The following RIMS2 variants were observed in gnomAD, a reference collection of about 807,000 sequenced individuals.
RIMS2 encodes regulating synaptic membrane exocytosis 2.
In RIMS2, 59 loss-of-function variants were observed where a neutral mutation model predicts 174.4. The ratio of observed to expected loss-of-function variants is 0.34; its 90% confidence interval spans 0.27 to 0.42. The LOEUF (loss-of-function observed/expected upper bound fraction) is 0.42. RIMS2 is among the 10% of genes least tolerant of loss of function. The pLI is 1.00. For missense variants in RIMS2, 1,620 were observed against 1,666.3 expected (o/e 0.97, Z 0.48); for synonymous variants, 606 against 572.5 (o/e 1.06, Z -0.84).
At chr8:103,973,674 G>T (rs1284661287) in intron 15 of RIMS2, among the ~76,000 whole-genome samples, 1 of 152,148 alleles carries the variant, frequency 6.6e-6, no homozygotes, top group Non-Finnish European at 1.5e-5. Context: ...TGTGACCAAA[G>T]AGCCAAGAGG....
chr8:104,118,229 C>T (rs562014808), intron 19 of RIMS2, among the ~76,000 whole-genome samples: 52 of 151,994 alleles, frequency 3.4e-4, no homozygotes, highest in African/African-American at 1.2e-3. Context: ...ATTCTTATTA[C>T]ATAAAGGAAG....
chr8:103,534,824 G>A (rs1839041746), intron 1 of RIMS2, among the ~76,000 whole-genome samples: 2 of 152,032 alleles, frequency 1.3e-5, no homozygotes, highest in South Asian at 4.1e-4. Flanking sequence ...TGTTCTGTTA[G>A]CACTACACAT....
intron 1 of RIMS2, among the ~76,000 whole-genome samples, chr8:103,621,151 A>G (rs1045031431): frequency 2.0e-5 from 3 of 152,228 alleles, no homozygotes; most frequent in Admixed American, 1.3e-4. Context: ...CCTTATTGCC[A>G]TAAAGAAATA....
At chr8:103,776,552 G>T in intron 3 of RIMS2, among the ~76,000 whole-genome samples, 1 of 151,858 alleles carries the variant, frequency 6.6e-6, no homozygotes, top group East Asian at 1.9e-4. Flanking sequence ...AAATATTTTT[G>T]TATTTTATTA....
At chr8:104,075,456 G>T (rs1382345602) in intron 19 of RIMS2, among the ~76,000 whole-genome samples, 1 of 152,068 alleles carries the variant, frequency 6.6e-6, no homozygotes, top group Non-Finnish European at 1.5e-5. Flanking sequence ...CAGCAGAATG[G>T]TTTTCTATTT....
intron 12 of RIMS2, among the ~76,000 whole-genome samples, chr8:103,935,104 G>A (rs73293887): frequency 0.03 from 4,590 of 152,190 alleles, 212 homozygotes; most frequent in African/African-American, 0.1. Context: ...TTCATTCTTC[G>A]TCAATGATAT....
chr8:104,109,489 T>C (rs1161558469), intron 19 of RIMS2, among the ~76,000 whole-genome samples: 1 of 149,886 alleles, frequency 6.7e-6, no homozygotes, highest in African/African-American at 2.5e-5. Context: ...GGGATAATAA[T>C]AGTAATTTTT....
At chr8:104,223,611 C>T in intron 19 of RIMS2, 1 of 1,546,170 alleles carries the variant, frequency 6.5e-7, no homozygotes, top group Non-Finnish European at 8.7e-7. Flanking sequence ...GCCAAGACGC[C>T]GCGTATCTTG....
chr8:103,653,599 G>A (rs538194273), intron 1 of RIMS2, among the ~76,000 whole-genome samples: 2 of 152,226 alleles, frequency 1.3e-5, no homozygotes, highest in East Asian at 3.9e-4. Flanking sequence ...TGAGAATGAC[G>A]AGTATGATGA....
intron 2 of RIMS2, among the ~76,000 whole-genome samples, chr8:103,717,807 C>T (rs1042724370): frequency 1.3e-5 from 2 of 152,132 alleles, no homozygotes; most frequent in Admixed American, 6.5e-5. Context: ...TTCAATAGGA[C>T]TTTCAGCAAT....
rs59348302 is a variant in RIMS2, at chr8:103,734,014, C to CTTTTTTTTTTTTTT, written c.388-32201_388-32188dup. Among the ~76,000 whole-genome samples the CTTTTTTTTTTTTTT allele has an allele frequency of 1.5e-3, 131 of 85,740 alleles. 11 individuals are homozygous for CTTTTTTTTTTTTTT. The highest frequency in any genetic ancestry group is 6.9e-3 in the African/African-American group (129 of 18,590). The allele number at this position is 85,740 out of a possible 152,430, so 56.2% of individuals were successfully genotyped here. ...CTTGCTTTACCTCTCCTAAAAGCTT[C>CTTTTTTTTTTTTTT]TTTTTTTTTTTTTTTTTTTTTTTTT... is the stretch of plus-strand genomic sequence containing the variant. On this transcript the variant is annotated intron_variant, in intron 2 of 23. Transcript: ENST00000504942.
chr8:103,617,807 C>T (rs1024746566), intron 1 of RIMS2, among the ~76,000 whole-genome samples: 1 of 152,124 alleles, frequency 6.6e-6, no homozygotes, highest in Non-Finnish European at 1.5e-5. Flanking sequence ...CAATGACATA[C>T]CACCTCACAC....
intron 1 of RIMS2, among the ~76,000 whole-genome samples, chr8:103,553,322 C>T (rs574691974): frequency 6.6e-6 from 1 of 152,232 alleles, no homozygotes; most frequent in South Asian, 2.1e-4. Flanking sequence ...TGGAAACCAT[C>T]ATTCCGAGCA....
chr8:103,936,801 C>T (rs1207944381), intron 13 of RIMS2, 79 bp downstream of exon 15: 1 of 1,168,068 alleles, frequency 8.6e-7, no homozygotes, highest in Admixed American at 2.4e-5. Context: ...AGTATAATTT[C>T]ATTTGTAGAA....
At chr8:104,025,705 G>GTA (rs200632253) in intron 19 of RIMS2, among the ~76,000 whole-genome samples, 4,494 of 111,710 alleles carry the variant, frequency 0.04, 106 homozygotes, top group Middle Eastern at 0.065. Flanking sequence ...GTTGTTAAAC[G>GTA]TATACACACA....
chr8:104,113,303 A>G (rs1023239453), intron 19 of RIMS2, among the ~76,000 whole-genome samples: 1 of 152,114 alleles, frequency 6.6e-6, no homozygotes, highest in African/African-American at 2.4e-5. Context: ...ACGCTATACG[A>G]TATCACTAAT....
At chr8:103,746,028 C>A (rs557391673) in intron 2 of RIMS2, among the ~76,000 whole-genome samples, 30 of 152,126 alleles carry the variant, frequency 2.0e-4, no homozygotes, top group Non-Finnish European at 4.3e-4. Flanking sequence ...TTGCCTAAAC[C>A]AAGGTCATGA....
Position 104,013,725 on chromosome 8 carries a change from C to T in RIMS2, c.3224+104C>T, listed in dbSNP as rs73295562. 712 of 878,030 alleles carry T rather than the reference C, an allele frequency of 8.1e-4. 4 individuals carry two copies. The African/African-American group carries it at 0.01, about 13-fold the overall frequency. The allele number at this position is 878,030 out of a possible 1,614,324, so 54.4% of individuals were successfully genotyped here. ...CTCTTCTATCATCTTTGGCTGATCA[C>T]TAGTAACAATCGATACTAACCTTTT... On this transcript the variant is annotated intron_variant, in intron 18 of 23. Transcript: ENST00000504942.
chr8:104,223,459 T>C (rs771584440), intron 19 of RIMS2: 2 of 1,376,314 alleles, frequency 1.5e-6, no homozygotes, highest in South Asian at 1.7e-5. Flanking sequence ...CTCCAATAAA[T>C]TGGAGGTCCC....
Sources: allele counts gnomAD v4.1 joint callset (sites outside exome capture counted in the v4.1 genomes callset), GRCh38; gene constraint gnomAD v4.1.1; transcripts MANE v1.5; gene names NCBI Gene and HGNC (gene_info 2026-07-23, HGNC 2026-07-21).